Variants in ZNF177 observed in about 807,000 individuals in gnomAD.
ZNF177 encodes zinc finger protein 177.
ZNF177 carries 17 observed loss-of-function variants against 19.4 expected under a neutral mutation model. That is an observed-to-expected ratio of 0.87 (90% CI 0.60 to 1.31). The LOEUF (loss-of-function observed/expected upper bound fraction) is 1.31, where lower values mean the gene tolerates loss of function less well. Among genes scored for constraint, ZNF177 ranks in the 40% most tolerant of loss-of-function variants. The pLI, the probability that ZNF177 is intolerant of heterozygous loss-of-function variation, is 0.00. For synonymous variants in ZNF177, 220 were observed against 188.7 expected (o/e 1.17, Z -1.36); for missense variants, 633 against 561.8 (o/e 1.13, Z -1.28).
upstream of ZNF177, among the ~76,000 whole-genome samples, chr19:9,372,874 C>T (rs763241035): frequency 5.3e-5 from 8 of 152,016 alleles, no homozygotes; most frequent in Non-Finnish European, 7.4e-5. Context: ...GCATGGTTTT[C>T]CAGCTTTCTT....
intron 2 of ZNF177, among the ~76,000 whole-genome samples, chr19:9,367,771 T>TC (rs1213725462): frequency 6.6e-6 from 1 of 152,234 alleles, no homozygotes; most frequent in Admixed American, 6.5e-5. Context: ...CATATTTTTT[T>TC]CCCTTGTAAT....
At chr19:9,378,160 G>A (rs2068138661) in intron 1 of ZNF177, 99 bp from the exon 4 acceptor site, 2 of 1,085,678 alleles carry the variant, frequency 1.8e-6, no homozygotes, top group African/African-American at 1.6e-5. Flanking sequence ...TACACTCTAT[G>A]TGTATGTTGT....
At chr19:9,375,329 T>G (rs2122532160), upstream of ZNF177, among the ~76,000 whole-genome samples, 1 of 152,308 alleles carries the variant, frequency 6.6e-6, no homozygotes, top group Middle Eastern at 3.4e-3. Context: ...GGCTTTGGTA[T>G]CAGTGTAATG....
At chr19:9,372,797 T>C (rs2068064015), upstream of ZNF177, among the ~76,000 whole-genome samples, 1 of 152,036 alleles carries the variant, frequency 6.6e-6, no homozygotes, top group Non-Finnish European at 1.5e-5. Context: ...TCCACCCACC[T>C]TGGCCTCCCA....
chr19:9,370,528 C>T lies in ZNF177; in HGVS notation c.-304-1082C>T, dbSNP rs1406790386. ...TCCTGGACTCAAGTAATCCTCCCAC[C>T]TCAGCCTCCCTAGTAGCTGGGACCA... On this transcript the variant is annotated intron_variant, in intron 2 of 8. Coordinates refer to the ZNF177 transcript ENST00000343499. Among the ~76,000 whole-genome samples the T allele has an allele frequency of 3.3e-5, 5 of 152,006 alleles. No individual in the cohort carries two copies. The East Asian group carries it at 9.6e-4, about 29-fold the overall frequency.
chr19:9,365,529 CA>C (rs1340007464), intron 2 of ZNF177, among the ~76,000 whole-genome samples: 3 of 151,950 alleles, frequency 2.0e-5, no homozygotes, highest in African/African-American at 4.8e-5. Context: ...AGAAGGGGGT[CA>C]GGGGGTTCTT....
intron 2 of ZNF177, among the ~76,000 whole-genome samples, chr19:9,369,256 G>T (rs1160343532): frequency 6.6e-6 from 1 of 151,952 alleles, no homozygotes; most frequent in Non-Finnish European, 1.5e-5. Context: ...AAGTCTTATA[G>T]TGATGATTTG....
intron 2 of ZNF177, among the ~76,000 whole-genome samples, chr19:9,365,360 T>G (rs1372764345): frequency 6.6e-6 from 1 of 151,386 alleles, no homozygotes; most frequent in African/African-American, 2.4e-5. Context: ...GGGTGGGGGC[T>G]TCTTGTCCTC....
intron 2 of ZNF177, among the ~76,000 whole-genome samples, chr19:9,370,841 A>G (rs372997235): frequency 1.3e-5 from 2 of 152,320 alleles, no homozygotes; most frequent in African/African-American, 4.8e-5. Flanking sequence ...CGAGTAGCCA[A>G]CAGATACAGA....
rs2122475362 is a variant in ZNF177 at position 9,364,965 on chromosome 19, G to A, written c.-305+17G>A. 1 of 152,268 alleles carries A rather than the reference G, an allele frequency of 6.6e-6. No individual in the cohort carries two copies. The highest frequency in any genetic ancestry group is 1.9e-4 in the East Asian group (1 of 5,182). The allele number at this position is 152,268 out of a possible 1,614,324, so 9.4% of individuals were successfully genotyped here. On this transcript the variant is annotated intron_variant, in intron 2 of 8. Transcript: ENST00000343499. The stretch of plus-strand genomic sequence containing the variant: ...AAATACAGGGTAAGTGTCTTCCTAA[G>A]CAATAATTACTGCTAATGTTTTTAA...
In ZNF177 at chr19:9,380,153, G is replaced by A. The variant is rs1410091701; in HGVS notation, c.336+14G>A. 1 of 1,597,476 alleles carries A rather than the reference G, an allele frequency of 6.3e-7. No homozygotes were observed. Among genetic ancestry groups the A allele is most frequent in the Non-Finnish European group, 8.5e-7 (1 of 1,175,808 alleles). ...GGCATAAACACGGTAAGACTTACTA[G>A]GAAGTATTCCTGGTCTTTGTAGTAG... On this transcript the variant is annotated intron_variant, in intron 5 of 5. Transcript: ENST00000589262.
At chr19:9,382,032 C>G in exon 6 of ZNF177, 1 of 527,502 alleles carries the variant, frequency 1.9e-6, no homozygotes, top group Non-Finnish European at 3.2e-6. Flanking sequence ...GCATTGTGAA[C>G]AGAACACATG....
At chr19:9,382,161 T>A in exon 6 of ZNF177, 1 of 400,026 alleles carries the variant, frequency 2.5e-6, no homozygotes, top group Non-Finnish European at 4.4e-6. Flanking sequence ...CCTTCTTTCT[T>A]AAAGTAATAA....
chr19:9,368,031 A>G (rs1336925551), intron 2 of ZNF177, among the ~76,000 whole-genome samples: 2 of 152,196 alleles, frequency 1.3e-5, no homozygotes, highest in African/African-American at 2.4e-5. Context: ...CCAGACTGGA[A>G]TTCTTTCTTC....
intron 2 of ZNF177, among the ~76,000 whole-genome samples, chr19:9,370,481 A>G (rs2068033822): frequency 6.6e-6 from 1 of 151,188 alleles, no homozygotes; most frequent in South Asian, 2.1e-4. Context: ...TGGTGTGATC[A>G]TAGCTCACTG....
At chr19:9,375,164 T>G (rs1170731269), upstream of ZNF177, among the ~76,000 whole-genome samples, 1 of 152,212 alleles carries the variant, frequency 6.6e-6, no homozygotes, top group African/African-American at 2.4e-5. Context: ...TCTTGAACTA[T>G]CCTTGAATTT....
chr19:9,379,942 AC>A lies in ZNF177; in HGVS notation c.254-114del, dbSNP rs2068168528. The A allele has an allele frequency of 2.4e-5, 29 of 1,225,614 alleles. No homozygotes were observed. The South Asian group carries it at 4.1e-4, about 17-fold the overall frequency. The allele number at this position is 1,225,614 out of a possible 1,614,324, so 75.9% of individuals were successfully genotyped here. ...AATCACTGGTTGTGTCTTCTTTCTT[AC>A]ATTTCTCTACTTAGAAGATATTATT... is the stretch of plus-strand genomic sequence containing the variant. On this transcript the variant is annotated intron_variant, in intron 4 of 5. Transcript: ENST00000589262.
downstream of ZNF177, chr19:9,382,577 T>C: frequency 2.5e-6 from 1 of 394,976 alleles, no homozygotes. Flanking sequence ...CAGTCCCAAC[T>C]GTTACATCTA....
At chr19:9,378,295 AACCT>A (rs1568383959) in exon 2 of ZNF177, 1 of 1,613,570 alleles carries the variant, frequency 6.2e-7, no homozygotes, top group South Asian at 1.1e-5. Flanking sequence ...CCAGGAAGGA[AACCT>A]ACAGGAGGAA....
Sources: gnomAD v4.1 joint callset for allele counts (sites outside exome capture counted in the v4.1 genomes callset) on GRCh38, gnomAD v4.1.1 for gene constraint, MANE v1.5 for transcripts, NCBI Gene and HGNC (gene_info 2026-07-23, HGNC 2026-07-21) for gene names.